The following CFAP44 variants were observed in gnomAD, a reference collection of about 807,000 sequenced individuals.
CFAP44 encodes the protein cilia and flagella associated protein 44, also known as cilia- and flagella-associated protein 44.
A neutral mutation model predicts 216.2 loss-of-function variants in CFAP44; 134 were observed. The observed-to-expected ratio is 0.62, with a 90% CI of 0.54 to 0.72. The LOEUF is 0.72. CFAP44 is among the 30% of genes least tolerant of loss of function. The probability of loss-of-function intolerance (pLI) is 0.00; values close to 1 mark genes in which losing one functional copy is unlikely to be tolerated. For synonymous variants in CFAP44, 700 were observed against 727.6 expected (o/e 0.96, Z 0.61); for missense variants, 2,035 against 2,182.1 (o/e 0.93, Z 1.34).
In CFAP44 at chr3:113,359,405, C is replaced by T. The variant is rs1576568319; in HGVS notation, c.2935-530G>A. Among the ~76,000 whole-genome samples the T allele has an allele frequency of 3.9e-5, 6 of 152,194 alleles. 1 individual carries two copies. Among genetic ancestry groups the T allele is most frequent in the Admixed American group, 3.9e-4 (6 of 15,284 alleles). ...CCTCATCCCTGGAAAAATATCAGAG[C>T]CAATATTTGTGATAAATTGTGAGTA... On this transcript the variant is annotated intron_variant, in intron 21 of 34. Transcript: ENST00000393845.
In CFAP44 at chr3:113,395,800, T is replaced by C. The variant is rs781242084; in HGVS notation, c.1840A>G (p.Ile614Val). ...VERDYKPIGY[I>V]NTPGPVCQLM... ...TGACACACAGGTCCAGGAGTATTAATATAACCAATCGGCTTATAATCCCTT... is the reference window on the plus strand; with the variant it reads ...TGACACACAGGTCCAGGAGTATTAACATAACCAATCGGCTTATAATCCCTT... Residue 614 changes from isoleucine (I) to valine (V), a missense_variant, in exon 15 of 35, where the codon ATT (isoleucine) becomes GTT (valine). This residue lies in a region of CFAP44 where 1,883 missense variants were observed against 2,023.7 expected (regional missense o/e 0.93). Coordinates refer to ENST00000393845, the MANE Select transcript of CFAP44 (RefSeq NM_001164496.2). The C allele has an allele frequency of 3.7e-6, 6 of 1,613,854 alleles. 1 individual carries two copies. In the South Asian group the frequency reaches 5.5e-5, roughly 15 times the overall value.
intron 24 of CFAP44, among the ~76,000 whole-genome samples, chr3:113,335,501 G>A (rs1261589975): frequency 6.6e-6 from 1 of 152,206 alleles, no homozygotes; most frequent in African/African-American, 2.4e-5. Context: ...ATCTGTACAT[G>A]TGTAATGTGA....
intron 33 of CFAP44, 118 bp downstream of exon 33, chr3:113,296,606 AG>A: frequency 1.7e-6 from 2 of 1,188,358 alleles, no homozygotes; most frequent in Non-Finnish European, 2.3e-6. Context: ...GGGCAGCCAA[AG>A]GGGGCTCGCG....
At chr3:113,342,837 T>TAAAA (rs545239420) in intron 23 of CFAP44, among the ~76,000 whole-genome samples, 28 of 141,088 alleles carry the variant, frequency 2.0e-4, no homozygotes, top group African/African-American at 5.9e-4. Flanking sequence ...TAAAAATACA[T>TAAAA]AAAAAAAAAA....
chr3:113,426,111 C>T lies in CFAP44; in HGVS notation c.407+13G>A, dbSNP rs1201042198. On this transcript the variant is annotated intron_variant, in intron 4 of 34. Transcript: ENST00000393845. The stretch of plus-strand genomic sequence containing the variant: ...AAATCCCAAAATTATACATATTTAG[C>T]CAGGGTGGATACACAAGTGTGAGAA... The T allele has an allele frequency of 6.2e-7, 1 of 1,611,812 alleles. No homozygotes were observed. Among genetic ancestry groups the T allele is most frequent in the Admixed American group, 1.7e-5 (1 of 59,620 alleles).
At chr3:113,298,238 T>C (rs1949900926) in intron 32 of CFAP44, among the ~76,000 whole-genome samples, 1 of 152,236 alleles carries the variant, frequency 6.6e-6, no homozygotes, top group Non-Finnish European at 1.5e-5. Flanking sequence ...TCTCCTATGC[T>C]GAAGAGGCCA....
chr3:113,404,011 G>A lies in CFAP44; in HGVS notation c.1011C>T (p.Leu337=), dbSNP rs1470979575. 10 of 1,612,712 alleles carry A rather than the reference G, an allele frequency of 6.2e-6. No homozygotes were observed. The highest frequency in any genetic ancestry group is 2.2e-5 in the South Asian group (2 of 90,762). ...GYMELPDGKV[L]SGSEWGNMLL... is the part of the protein sequence containing the mutation. ...GCATGTTGCCCCATTCTGACCCTGA[G>A]AGCACCTGGCAGGTATGTGGAAAAA... The change falls in exon 9 of 35, where the codon CTC becomes CTT. Residue 337 remains leucine (L), a synonymous_variant. Coordinates refer to ENST00000393845, the MANE Select transcript of CFAP44 (RefSeq NM_001164496.2).
At chr3:113,424,327 T>C (rs972523726) in intron 4 of CFAP44, among the ~76,000 whole-genome samples, 13 of 152,130 alleles carry the variant, frequency 8.5e-5, no homozygotes, top group Middle Eastern at 3.4e-3. Context: ...TCCCAGCTAC[T>C]CGGGAGGCTG....
At position 113,288,656 on chromosome 3, in the gene CFAP44, G is replaced by T. The variant is rs16860792; in HGVS notation, c.*2901C>A. On this transcript the variant is annotated 3_prime_UTR_variant, in exon 35 of 35. Coordinates refer to ENST00000393845, the MANE Select transcript of CFAP44 (RefSeq NM_001164496.2). ...GATCTAAGGTAGCTGTCAAAATGAAGTCTGGTGAACTTTTCTGAAGTGATA... is the reference window on the plus strand; with the variant it reads ...GATCTAAGGTAGCTGTCAAAATGAATTCTGGTGAACTTTTCTGAAGTGATA... 43,415 of 152,010 alleles carry T rather than the reference G, an allele frequency of 0.29. 6,848 individuals carry two copies. Among genetic ancestry groups the T allele is most frequent in the East Asian group, 0.57 (2,930 of 5,154 alleles). The allele number at this position is 152,010 out of a possible 1,614,324, so 9.4% of individuals were successfully genotyped here. A position where few individuals can be genotyped will look rare whatever the true frequency, so the allele number is the denominator to read the frequency against.
Position 113,304,020 on chromosome 3 carries a change from T to G in CFAP44, c.4973A>C (p.Glu1658Ala). 1.3e-6 allele frequency: 2 copies of G among 1,537,516 alleles called. No individual in the cohort carries two copies. Among genetic ancestry groups the G allele is most frequent in the Non-Finnish European group, 1.7e-6 (2 of 1,146,978 alleles). Residue 1658 changes from glutamate to alanine, a missense_variant, in exon 32 of 35, where the codon GAG (glutamate) becomes GCG (alanine). Physicochemically the swap from Glu to Ala is moderately radical, Grantham distance 107. This residue lies in a region of CFAP44 where 1,883 missense variants were observed against 2,023.7 expected (regional missense o/e 0.93). Coordinates refer to ENST00000393845, the MANE Select transcript of CFAP44 (RefSeq NM_001164496.2). Reference sequence around the variant, plus strand: ...CTGCTTGGAATTTTCCTCCTGGAGCTCATGGATTCGTTCTTGCAGCCGTCT... The same window carrying G: ...CTGCTTGGAATTTTCCTCCTGGAGCGCATGGATTCGTTCTTGCAGCCGTCT... ...ALRRLQERIHELQEENSKQQK... is the reference protein window; with the variant it reads ...ALRRLQERIHALQEENSKQQK...
At chr3:113,426,803 T>C (rs1307900252) in intron 3 of CFAP44, 9 of 214,624 alleles carry the variant, frequency 4.2e-5, no homozygotes, top group Middle Eastern at 1.6e-3. Context: ...TCGGTGAGCA[T>C]GGAAGGAAGA....
At chr3:113,323,949 C>A (rs1950167282) in intron 28 of CFAP44, among the ~76,000 whole-genome samples, 1 of 150,248 alleles carries the variant, frequency 6.7e-6, no homozygotes, top group Non-Finnish European at 1.5e-5. Context: ...GAGGCTGAGG[C>A]AGGAGAATCG....
At chr3:113,355,984 G>A (rs1296250930) in intron 22 of CFAP44, among the ~76,000 whole-genome samples, 2 of 150,554 alleles carry the variant, frequency 1.3e-5, no homozygotes, top group Non-Finnish European at 3.0e-5. Context: ...TTATTATAAT[G>A]TATTCTTCAT....
chr3:113,366,951 C>T (rs544432151), intron 18 of CFAP44, among the ~76,000 whole-genome samples: 49 of 152,258 alleles, frequency 3.2e-4, no homozygotes, highest in African/African-American at 1.2e-3. Context: ...TGGAGCTTTG[C>T]TCACTGCTAG....
intron 6 of CFAP44, among the ~76,000 whole-genome samples, chr3:113,409,840 C>G (rs6767932): frequency 0.42 from 63,161 of 152,000 alleles, 13,468 homozygotes; most frequent in East Asian, 0.52. Context: ...GACCTCTGGT[C>G]GTCCTCACTA....
chr3:113,298,389 C>T (rs1437963610), intron 32 of CFAP44, among the ~76,000 whole-genome samples: 1 of 152,192 alleles, frequency 6.6e-6, no homozygotes, highest in Admixed American at 6.5e-5. Context: ...CTCTTCTTCC[C>T]CATTGGATCT....
chr3:113,389,848 T>G (rs890922908), intron 15 of CFAP44, among the ~76,000 whole-genome samples: 1 of 151,922 alleles, frequency 6.6e-6, no homozygotes, highest in African/African-American at 2.4e-5. Context: ...AGTAATGAGA[T>G]CAAAGCCATA....
chr3:113,366,980 A>T (rs1004763954), intron 18 of CFAP44, among the ~76,000 whole-genome samples: 1 of 151,764 alleles, frequency 6.6e-6, no homozygotes. Flanking sequence ...TCTGAGATCA[A>T]CCTGTGAGGC....
intron 28 of CFAP44, among the ~76,000 whole-genome samples, chr3:113,321,322 A>G (rs759751302): frequency 6.6e-6 from 1 of 152,218 alleles, no homozygotes; most frequent in African/African-American, 2.4e-5. Context: ...AATCAAACAT[A>G]TCTTCATAAT....
Sources: allele counts gnomAD v4.1 joint callset (sites outside exome capture counted in the v4.1 genomes callset), GRCh38; gene constraint gnomAD v4.1.1; regional missense constraint gnomAD v4.1.1; transcripts MANE v1.5; gene names NCBI Gene and HGNC (gene_info 2026-07-23, HGNC 2026-07-21).